TNRC6A: variants seen among roughly 807,000 people sequenced by gnomAD.
The protein encoded by TNRC6A is trinucleotide repeat-containing gene 6A protein.
A neutral mutation model predicts 221.2 loss-of-function variants in TNRC6A; 44 were observed. The observed-to-expected ratio is 0.20, with a 90% confidence interval of 0.16 to 0.26. The LOEUF (loss-of-function observed/expected upper bound fraction) is 0.26, where lower values mean the gene tolerates loss of function less well. Among genes scored for constraint, TNRC6A ranks in the 10% least tolerant of loss-of-function variants. The pLI is 1.00. For synonymous variants in TNRC6A, 847 were observed against 838.5 expected, an observed-to-expected ratio of 1.01 and a Z score of -0.18; for missense variants, 2,199 against 2,404.4, an observed-to-expected ratio of 0.91 and a Z score of 1.79.
rs377440111 is a variant in TNRC6A at position 24,823,635 on chromosome 16, C to T, written c.5717C>T (p.Ser1906Leu). The T allele has an allele frequency of 1.5e-5, 25 of 1,613,578 alleles. No individual in the cohort carries two copies. The highest frequency in any genetic ancestry group is 5.0e-5 in the Admixed American group (3 of 59,938). Residue 1906 changes from serine to leucine, a missense_variant, in exon 25 of 25, where the codon TCG becomes TTG. By Grantham distance (145) the Ser-to-Leu change is moderately radical. Transcript: ENST00000395799. This position sits in a 1 kb window ranked among gnomAD's most constrained non-coding sequence, Gnocchi z 4.3. ...AATCACTGGAATGGTGCTGGGCTGTCGGGAACTAACTGTGGAGACCTTCAC... is the reference window on the plus strand; with the variant it reads ...AATCACTGGAATGGTGCTGGGCTGTTGGGAACTAACTGTGGAGACCTTCAC... Reference protein sequence around the residue: ...DLNHWNGAGLSGTNCGDLHGT... With the variant: ...DLNHWNGAGLLGTNCGDLHGT...
chr16:24,767,507 C>T (rs919358505), intron 4 of TNRC6A, among the ~76,000 whole-genome samples: 4 of 152,158 alleles, frequency 2.6e-5, no homozygotes, highest in South Asian at 4.1e-4. Flanking sequence ...AAATACACAT[C>T]AGTATTTTAT....
intron 2 of TNRC6A, among the ~76,000 whole-genome samples, chr16:24,642,693 G>A (rs1196507177): frequency 6.6e-6 from 1 of 151,968 alleles, no homozygotes; most frequent in African/African-American, 2.4e-5. Flanking sequence ...GGTGGCACGT[G>A]CCTGTAATTC....
chr16:24,776,816 GA>G, intron 4 of TNRC6A, 116 bp from the exon 5 acceptor site: 2 of 1,505,524 alleles, frequency 1.3e-6, no homozygotes, highest in Non-Finnish European at 1.8e-6. Context: ...CCTGCTCACA[GA>G]AAGCTTCTGT....
chr16:24,744,364 G>A (rs1047067363), intron 2 of TNRC6A, among the ~76,000 whole-genome samples: 8 of 152,102 alleles, frequency 5.3e-5, no homozygotes, highest in African/African-American at 1.7e-4. Context: ...TTGAGAGTAC[G>A]TAAATGTCTT....
At chr16:24,768,595 A>C (rs975964233) in intron 4 of TNRC6A, among the ~76,000 whole-genome samples, 1 of 152,098 alleles carries the variant, frequency 6.6e-6, no homozygotes, top group Non-Finnish European at 1.5e-5. Context: ...TTGTTTTCCT[A>C]TATAACGACA....
rs779177144 is a variant in TNRC6A, at chr16:24,823,809, A to G, written c.*2A>G. 3.5e-6 allele frequency: 5 copies of G among 1,443,558 alleles called. No individual in the cohort carries two copies. In the East Asian group the frequency reaches 1.3e-4, roughly 38 times the overall value. The allele number at this position is 1,443,558 out of a possible 1,614,324, so 89.4% of individuals were successfully genotyped here. A position where few individuals can be genotyped will look rare whatever the true frequency, so the allele number is the denominator to read the frequency against. ...GGTGGGGGTGGAGAGTCCATGTAAC[A>G]GTGTAGATGCAGACTCACCGACCGG... On this transcript the variant is annotated 3_prime_UTR_variant, in exon 25 of 25. Transcript: ENST00000395799. This position sits in a 1 kb window ranked among gnomAD's most constrained non-coding sequence, Gnocchi z 4.3.
In TNRC6A at chr16:24,793,343, C is replaced by T. The variant is rs182721643; in HGVS notation, c.3176-130C>T. ...ACAGATGCCATCTTTTTGCCTATCACAGTATCATTATTCAGTACATAAACA... is the reference window on the plus strand; with the variant it reads ...ACAGATGCCATCTTTTTGCCTATCATAGTATCATTATTCAGTACATAAACA... On this transcript the variant is annotated intron_variant, in intron 6 of 24. Transcript: ENST00000395799. 4.6e-3 allele frequency: 2,349 copies of T among 507,778 alleles called. 12 individuals carry two copies. Among genetic ancestry groups the T allele is most frequent in the Non-Finnish European group, 5.9e-3 (1,808 of 307,028 alleles). 31.5% of individuals were successfully genotyped at this position (507,778 alleles called of 1,614,324 possible). A position where few individuals can be genotyped will look rare whatever the true frequency, so the allele number is the denominator to read the frequency against.
intron 4 of TNRC6A, among the ~76,000 whole-genome samples, chr16:24,775,372 T>C (rs967499716): frequency 6.6e-6 from 1 of 152,054 alleles, no homozygotes; most frequent in African/African-American, 2.4e-5. Flanking sequence ...TGTATTACTT[T>C]AGAAAAATGG....
At chr16:24,726,770 G>A (rs950817966), upstream of TNRC6A, among the ~76,000 whole-genome samples, 5 of 152,114 alleles carry the variant, frequency 3.3e-5, no homozygotes, top group African/African-American at 1.2e-4. Context: ...GTGGTGATGG[G>A]AAATATTCAG....
At chr16:24,644,086 T>TC (rs1053936124) in intron 2 of TNRC6A, among the ~76,000 whole-genome samples, 2 of 125,682 alleles carry the variant, frequency 1.6e-5, no homozygotes, top group Non-Finnish European at 3.3e-5. Flanking sequence ...CTTTAATTTT[T>TC]TTTTTTTTTT....
intron 18 of TNRC6A, among the ~76,000 whole-genome samples, chr16:24,812,015 T>C (rs1289811874): frequency 2.8e-5 from 4 of 143,702 alleles, no homozygotes; most frequent in Non-Finnish European, 6.0e-5. Flanking sequence ...AATGTCACTT[T>C]GGGATTTTTT....
intron 4 of TNRC6A, among the ~76,000 whole-genome samples, chr16:24,765,199 C>T (rs149165207): frequency 1.1e-4 from 16 of 152,318 alleles, no homozygotes; most frequent in African/African-American, 3.8e-4. Context: ...TAACGAATTT[C>T]AGGAACTTTG....
chr16:24,704,683 A>G (rs201990666), intron 2 of TNRC6A, among the ~76,000 whole-genome samples: 9,295 of 145,092 alleles, frequency 0.064, 788 homozygotes, highest in East Asian at 0.32. Flanking sequence ...AAAAAAAAAA[A>G]AAAAAAAAAA....
At chr16:24,756,889 T>C (rs574271790) in intron 3 of TNRC6A, among the ~76,000 whole-genome samples, 2 of 152,138 alleles carry the variant, frequency 1.3e-5, no homozygotes, top group Non-Finnish European at 2.9e-5. Context: ...TTTTGTCTGT[T>C]TGTTTTGTTT....
chr16:24,715,492 A>G (rs1003293894), intron 2 of TNRC6A, among the ~76,000 whole-genome samples: 2 of 152,082 alleles, frequency 1.3e-5, no homozygotes, highest in African/African-American at 2.4e-5. Context: ...TGTGAATTAC[A>G]AGGTTTTCTA....
In TNRC6A at chr16:24,773,817, A is replaced by G. The variant is rs189008375; in HGVS notation, c.164-3116A>G. Among the ~76,000 whole-genome samples, 448 of 149,740 alleles carry G rather than the reference A, an allele frequency of 3.0e-3. 4 individuals are homozygous for G. Among genetic ancestry groups the G allele is most frequent in the Admixed American group, 0.01 (154 of 15,120 alleles). On this transcript the variant is annotated intron_variant, in intron 4 of 24. Transcript: ENST00000395799. Reference sequence around the variant, plus strand: ...TTTGTCTGATATCAATATTGTTTTCATTTTAATTTTCTTAGCCTTTCTTGG... The same window carrying G: ...TTTGTCTGATATCAATATTGTTTTCGTTTTAATTTTCTTAGCCTTTCTTGG...
In TNRC6A at chr16:24,664,498, A is replaced by T. The variant is rs1013516293; in HGVS notation, n.402+23489A>T. Among the ~76,000 whole-genome samples the T allele has an allele frequency of 1.3e-4, 19 of 143,782 alleles. No individual in the cohort carries two copies. In the South Asian group the frequency reaches 3.4e-3, roughly 26 times the overall value. 94.3% of individuals were successfully genotyped at this position (143,782 alleles called of 152,430 possible). ...TAAATATAAATATAAATATAATAAAAATAAATATAATAATATATAATAAAT... is the reference window on the plus strand; with the variant it reads ...TAAATATAAATATAAATATAATAAATATAAATATAATAATATATAATAAAT... On this transcript the variant is annotated intron_variant and non_coding_transcript_variant, in intron 2 of 2. Transcript: ENST00000566108.
chr16:24,687,249 T>G lies in TNRC6A; in HGVS notation n.402+46240T>G, dbSNP rs767607063. ...ATAATATCCATTCAATGTCTACATCTCCCCTACTTGAGTGATGTTAGAGAT... is the reference window on the plus strand; with the variant it reads ...ATAATATCCATTCAATGTCTACATCGCCCCTACTTGAGTGATGTTAGAGAT... On this transcript the variant is annotated intron_variant and non_coding_transcript_variant, in intron 2 of 2. Transcript: ENST00000566108. Among the ~76,000 whole-genome samples, 46 of 152,220 alleles carry G rather than the reference T, an allele frequency of 3.0e-4. No individual in the cohort carries two copies. In the East Asian group the frequency reaches 4.1e-3, roughly 13 times the overall value.
At chr16:24,669,080 A>T (rs2055235160) in intron 2 of TNRC6A, among the ~76,000 whole-genome samples, 2 of 151,970 alleles carry the variant, frequency 1.3e-5, no homozygotes, top group Admixed American at 1.3e-4. Flanking sequence ...TGAAAGGGGG[A>T]TCAATTTAAA....
Sources: allele counts gnomAD v4.1 joint callset (sites outside exome capture counted in the v4.1 genomes callset), GRCh38; gene constraint gnomAD v4.1.1; non-coding constraint Gnocchi (gnomAD v3.1); transcripts MANE v1.5; gene names NCBI Gene and HGNC (gene_info 2026-07-23, HGNC 2026-07-21).